GNA14: variants seen among roughly 807,000 people sequenced by gnomAD.
GNA14 encodes the protein guanine nucleotide-binding protein subunit alpha-14.
Under a neutral mutation model 42.0 loss-of-function variants are expected in GNA14, and 50 were observed. The ratio of observed to expected loss-of-function variants is 1.19; its 90% confidence interval spans 0.95 to 1.51. The LOEUF (loss-of-function observed/expected upper bound fraction) is 1.51, where lower values mean the gene tolerates loss of function less well. Among genes scored for constraint, GNA14 ranks in the 40% most tolerant of loss-of-function variants. The pLI is 0.00. For missense variants in GNA14, 473 were observed against 446.2 expected (o/e 1.06, Z -0.54); for synonymous variants, 173 against 163.1 (o/e 1.06, Z -0.46).
chr9:77,587,105 T>C (rs1823317546), intron 1 of GNA14, among the ~76,000 whole-genome samples: 1 of 112,338 alleles, frequency 8.9e-6, no homozygotes, highest in African/African-American at 3.6e-5. Flanking sequence ...TGTTATCATT[T>C]GGATAGCTAT....
chr9:77,559,149 C>T (rs544192206), intron 1 of GNA14, among the ~76,000 whole-genome samples: 2 of 152,306 alleles, frequency 1.3e-5, no homozygotes, highest in South Asian at 4.1e-4. Context: ...TGTGACACCA[C>T]AAATTTCTTA....
intron 1 of GNA14, among the ~76,000 whole-genome samples, chr9:77,623,427 G>A (rs1188143633): frequency 1.3e-5 from 2 of 151,920 alleles, no homozygotes; most frequent in Non-Finnish European, 2.9e-5. Context: ...AAAGGAGAAA[G>A]AATAAGAATA....
intron 2 of GNA14, among the ~76,000 whole-genome samples, chr9:77,480,892 T>C (rs1836540632): frequency 6.6e-6 from 1 of 152,234 alleles, no homozygotes; most frequent in Non-Finnish European, 1.5e-5. Context: ...TCAGTGGTGA[T>C]ATTCCCTTTA....
rs146277431 is a variant in GNA14 at position 77,529,135 on chromosome 9, G to A, written c.243C>T (p.Thr81=). The change falls in exon 2 of 7, where the codon ACC becomes ACT. Residue 81 remains threonine (T), a synonymous_variant. Coordinates refer to ENST00000341700, the MANE Select transcript of GNA14 (RefSeq NM_004297.4). ...TCGCTCTGATCATGGCTTGCATGGC[G>A]GTGAATATGTTTTGGTAAACCAGCT... ...FTKLVYQNIF[T]AMQAMIRAMD... is the part of the protein sequence containing the mutation. The A allele has an allele frequency of 5.5e-4, 883 of 1,614,092 alleles. 1 individual carries two copies. Among genetic ancestry groups the A allele is most frequent in the Admixed American group, 6.5e-4 (39 of 60,024 alleles).
intron 1 of GNA14, among the ~76,000 whole-genome samples, chr9:77,623,459 T>G (rs1319341987): frequency 6.6e-6 from 1 of 152,054 alleles, no homozygotes; most frequent in Non-Finnish European, 1.5e-5. Context: ...CACATATTAA[T>G]AATACTCTCA....
chr9:77,530,639 T>C (rs1388564289), intron 1 of GNA14, among the ~76,000 whole-genome samples: 3 of 152,208 alleles, frequency 2.0e-5, no homozygotes, highest in Non-Finnish European at 2.9e-5. Flanking sequence ...AGAATTGAAC[T>C]ACAATGACCA....
At chr9:77,452,568 G>A (rs1263152112) in intron 2 of GNA14, among the ~76,000 whole-genome samples, 5 of 14,770 alleles carry the variant, frequency 3.4e-4, no homozygotes, top group Admixed American at 2.6e-3. Flanking sequence ...GTGTGTGTGT[G>A]TGTATGTGCA....
At chr9:77,588,187 G>A (rs2117879282) in intron 1 of GNA14, among the ~76,000 whole-genome samples, 1 of 152,222 alleles carries the variant, frequency 6.6e-6, no homozygotes, top group South Asian at 2.1e-4. Flanking sequence ...CTTTTGCCAT[G>A]TCAAGTAACA....
chr9:77,583,724 T>G (rs1823261140), intron 1 of GNA14, among the ~76,000 whole-genome samples: 1 of 152,148 alleles, frequency 6.6e-6, no homozygotes, highest in Non-Finnish European at 1.5e-5. Flanking sequence ...CTAATGTTTC[T>G]AAAACTTTTC....
intron 2 of GNA14, among the ~76,000 whole-genome samples, chr9:77,490,447 G>C (rs560338831): frequency 6.6e-6 from 1 of 152,242 alleles, no homozygotes; most frequent in African/African-American, 2.4e-5. Flanking sequence ...AGCATTCGTC[G>C]GGGAGGCTCA....
At chr9:77,444,619 C>A (rs1239884904) in intron 2 of GNA14, among the ~76,000 whole-genome samples, 1 of 152,168 alleles carries the variant, frequency 6.6e-6, no homozygotes, top group Non-Finnish European at 1.5e-5. Context: ...AGCCTCAGGC[C>A]CCCTCAGACA....
At chr9:77,470,574 A>C (rs1836313072) in intron 2 of GNA14, among the ~76,000 whole-genome samples, 1 of 152,244 alleles carries the variant, frequency 6.6e-6, no homozygotes, top group Non-Finnish European at 1.5e-5. Context: ...TGCCTATGAA[A>C]GCTATAGCTA....
At chr9:77,626,765 G>A (rs1238219246) in intron 1 of GNA14, among the ~76,000 whole-genome samples, 1 of 152,172 alleles carries the variant, frequency 6.6e-6, no homozygotes, top group Non-Finnish European at 1.5e-5. Context: ...AGCACTAAAT[G>A]CCCACAGGAG....
chr9:77,554,513 T>A (rs1166358331), intron 1 of GNA14, among the ~76,000 whole-genome samples: 1 of 152,238 alleles, frequency 6.6e-6, no homozygotes. Flanking sequence ...TTCTGTTTCC[T>A]CTCATTTTCA....
At chr9:77,432,178 C>T (rs958936683) in intron 3 of GNA14, among the ~76,000 whole-genome samples, 1 of 151,924 alleles carries the variant, frequency 6.6e-6, no homozygotes, top group Non-Finnish European at 1.5e-5. Flanking sequence ...CTCAGGCCCT[C>T]GCTAACAAAA....
In GNA14 at chr9:77,592,911, A is replaced by G. The variant is rs559123494; in HGVS notation, c.124+54759T>C. Among the ~76,000 whole-genome samples, 9 of 152,296 alleles carry G rather than the reference A, an allele frequency of 5.9e-5. 1 individual carries two copies. Among genetic ancestry groups the G allele is most frequent in the African/African-American group, 2.2e-4 (9 of 41,558 alleles). ...TTTGATTAACACTTTTAACTGAACA[A>G]AAAAACAGGTATGTAATCATGGGAA... On this transcript the variant is annotated intron_variant, in intron 1 of 6. Coordinates refer to ENST00000341700, the MANE Select transcript of GNA14 (RefSeq NM_004297.4).
At chr9:77,529,365 G>T in intron 1 of GNA14, 112 bp from the exon 2 acceptor site, 1 of 848,506 alleles carries the variant, frequency 1.2e-6, no homozygotes, top group Non-Finnish European at 2.0e-6. Flanking sequence ...TAGGCTGATG[G>T]GTTGGATTTG....
intron 1 of GNA14, among the ~76,000 whole-genome samples, chr9:77,546,355 TCTC>T (rs537862126): frequency 3.0e-4 from 45 of 151,832 alleles, no homozygotes; most frequent in African/African-American, 1.0e-3. Flanking sequence ...CCCTTGTAAA[TCTC>T]CTCTCGGTGT....
intron 2 of GNA14, among the ~76,000 whole-genome samples, chr9:77,462,326 A>G (rs910055578): frequency 1.3e-5 from 2 of 152,108 alleles, no homozygotes; most frequent in African/African-American, 2.4e-5. Context: ...TGAGGGGGGA[A>G]TCCTGCTGTG....
Sources: allele counts gnomAD v4.1 joint callset (sites outside exome capture counted in the v4.1 genomes callset), GRCh38; gene constraint gnomAD v4.1.1; transcripts MANE v1.5; gene names NCBI Gene and HGNC (gene_info 2026-07-23, HGNC 2026-07-21).